SLC16A7: variants seen among roughly 807,000 people sequenced by gnomAD.
The protein encoded by SLC16A7 is monocarboxylate transporter 2.
A neutral mutation model predicts 34.9 loss-of-function variants in SLC16A7; 33 were observed. That is an observed-to-expected ratio of 0.94 (90% CI 0.72 to 1.26). The LOEUF (loss-of-function observed/expected upper bound fraction) is 1.26, where lower values mean the gene tolerates loss of function less well. Ranked by LOEUF, SLC16A7 falls within the 50% of genes most tolerant of loss-of-function variation. The pLI, the probability that SLC16A7 is intolerant of heterozygous loss-of-function variation, is 0.00. For synonymous variants in SLC16A7, 201 were observed against 206.6 expected (o/e 0.97, Z 0.23); for missense variants, 573 against 578.1 (o/e 0.99, Z 0.09).
At chr12:59,669,100 A>G (rs902416964) in intron 2 of SLC16A7, among the ~76,000 whole-genome samples, 39 of 152,148 alleles carry the variant, frequency 2.6e-4, no homozygotes, top group Admixed American at 1.9e-3. Context: ...TAATACAGAG[A>G]GTATTACCAG....
At chr12:59,730,726 G>T (rs1338404080) in intron 3 of SLC16A7, among the ~76,000 whole-genome samples, 3 of 152,048 alleles carry the variant, frequency 2.0e-5, no homozygotes, top group African/African-American at 7.2e-5. Context: ...AATGGCATTT[G>T]TATGCTCAAA....
chr12:59,662,716 AGAT>A (rs1392457382), intron 2 of SLC16A7, among the ~76,000 whole-genome samples: 1 of 152,174 alleles, frequency 6.6e-6, no homozygotes, highest in East Asian at 1.9e-4. Context: ...TTATAAAAAA[AGAT>A]GAGTCAAATT....
At position 59,779,859 on chromosome 12, in the gene SLC16A7, G is replaced by T. The variant is rs1019950899; in HGVS notation, c.*180G>T. On this transcript the variant is annotated 3_prime_UTR_variant, in exon 6 of 6. Transcript: ENST00000547379. ...AGTTTTTAAAAACTTACTTATTTGG[G>T]TAGTTAAATTTTGAGATTATGCATA... is the stretch of plus-strand genomic sequence containing the variant. 3 of 534,448 alleles carry T rather than the reference G, an allele frequency of 5.6e-6. No individual in the cohort carries two copies. Among genetic ancestry groups the T allele is most frequent in the African/African-American group, 3.8e-5 (2 of 52,100 alleles). 33.1% of individuals were successfully genotyped at this position (534,448 alleles called of 1,614,324 possible). A position where few individuals can be genotyped will look rare whatever the true frequency, so the allele number is the denominator to read the frequency against.
chr12:59,760,347 A>G (rs1880872321), intron 3 of SLC16A7, among the ~76,000 whole-genome samples: 1 of 152,092 alleles, frequency 6.6e-6, no homozygotes, highest in Admixed American at 6.6e-5. Context: ...CTTGGAAGTG[A>G]CCTATAAAAG....
intron 3 of SLC16A7, chr12:59,761,205 A>T (rs1026754698): frequency 8.3e-7 from 1 of 1,205,002 alleles, no homozygotes; most frequent in East Asian, 5.7e-5. Flanking sequence ...ATGCCTAGGT[A>T]CATGAAACTG....
At chr12:59,775,817 C>A (rs961275072) in intron 5 of SLC16A7, among the ~76,000 whole-genome samples, 1 of 152,088 alleles carries the variant, frequency 6.6e-6, no homozygotes, top group Non-Finnish European at 1.5e-5. Flanking sequence ...GTGAACAGAT[C>A]TCTCGTCTGT....
intron 4 of SLC16A7, among the ~76,000 whole-genome samples, chr12:59,774,129 TTTG>T (rs1203862762): frequency 6.6e-6 from 1 of 152,184 alleles, no homozygotes; most frequent in Non-Finnish European, 1.5e-5. Flanking sequence ...GCATGAAATT[TTTG>T]TTATTTGCAT....
intron 3 of SLC16A7, chr12:59,768,197 A>C (rs771154491): frequency 8.8e-6 from 4 of 455,816 alleles, no homozygotes; most frequent in South Asian, 4.7e-5. Flanking sequence ...AGGATTTGCT[A>C]TTCTAGATAA....
At chr12:59,763,553 A>C (rs1459597653) in intron 3 of SLC16A7, among the ~76,000 whole-genome samples, 1 of 152,188 alleles carries the variant, frequency 6.6e-6, no homozygotes, top group Non-Finnish European at 1.5e-5. Flanking sequence ...AAACTTAAAA[A>C]ATGAAAATAA....
At chr12:59,686,262 C>G in intron 2 of SLC16A7, among the ~76,000 whole-genome samples, 1 of 151,800 alleles carries the variant, frequency 6.6e-6, no homozygotes, top group South Asian at 2.1e-4. Flanking sequence ...CATGCTAAGA[C>G]AGCCGATAAG....
At chr12:59,674,318 C>G (rs2137059350) in intron 2 of SLC16A7, among the ~76,000 whole-genome samples, 1 of 152,216 alleles carries the variant, frequency 6.6e-6, no homozygotes, top group African/African-American at 2.4e-5. Context: ...CTTGTTTCAT[C>G]TTTGTACCCC....
At position 59,789,248 on chromosome 12, in the gene SLC16A7, C is replaced by T. The variant is rs755868176; in HGVS notation, c.*9569C>T. The T allele has an allele frequency of 3.9e-5, 6 of 151,974 alleles. No homozygotes were observed. Among genetic ancestry groups the T allele is most frequent in the East Asian group, 1.9e-4 (1 of 5,176 alleles). 9.4% of individuals were successfully genotyped at this position (151,974 alleles called of 1,614,324 possible). ...ATTAAAATGCTACTACAGTATTCTA[C>T]GATGCAGGCTGAATGTATATTACAG... On this transcript the variant is annotated 3_prime_UTR_variant, in exon 6 of 6. Transcript: ENST00000547379.
intron 2 of SLC16A7, among the ~76,000 whole-genome samples, chr12:59,671,528 A>G (rs1006786866): frequency 1.3e-5 from 2 of 151,934 alleles, no homozygotes; most frequent in African/African-American, 4.8e-5. Flanking sequence ...GCAGTTTTTG[A>G]AGCATAAATG....
At position 59,786,874 on chromosome 12, in the gene SLC16A7, A is replaced by AAT. The variant is rs1226722981; in HGVS notation, c.*7203_*7204dup. ...AGAGTAAATAAAATATTTTCCTAGA[A>AAT]ATATATATAACAACCCTACTTGATA... is the stretch of plus-strand genomic sequence containing the variant. On this transcript the variant is annotated 3_prime_UTR_variant, in exon 6 of 6. Coordinates refer to ENST00000547379, the MANE Select transcript of SLC16A7 (RefSeq NM_001270623.2). 6.6e-6 allele frequency: 1 copy of AAT among 152,134 alleles called. No homozygotes were observed. Among genetic ancestry groups the AAT allele is most frequent in the Non-Finnish European group, 1.5e-5 (1 of 68,006 alleles). The allele number at this position is 152,134 out of a possible 1,614,324, so 9.4% of individuals were successfully genotyped here.
intron 3 of SLC16A7, chr12:59,720,080 T>G: frequency 1.4e-6 from 1 of 700,264 alleles, no homozygotes; most frequent in Non-Finnish European, 2.6e-6. Context: ...ATTCTTCAGG[T>G]TGGTATCATA....
At chr12:59,690,676 G>T (rs144344796) in intron 2 of SLC16A7, among the ~76,000 whole-genome samples, 1 of 152,050 alleles carries the variant, frequency 6.6e-6, no homozygotes, top group East Asian at 1.9e-4. Flanking sequence ...TGCAGAGAGG[G>T]AGACACCACT....
intron 2 of SLC16A7, among the ~76,000 whole-genome samples, chr12:59,704,315 T>A (rs1191656890): frequency 6.7e-6 from 1 of 149,820 alleles, no homozygotes. Context: ...AAAAAGCCAA[T>A]AGATCATGTC....
chr12:59,740,716 T>A (rs1437918972), intron 3 of SLC16A7, among the ~76,000 whole-genome samples: 3 of 152,076 alleles, frequency 2.0e-5, no homozygotes, highest in Non-Finnish European at 4.4e-5. Flanking sequence ...GCCAGGGCAA[T>A]CAGGCAGGAG....
At chr12:59,615,563 G>C (rs1879412478) in intron 1 of SLC16A7, among the ~76,000 whole-genome samples, 1 of 152,198 alleles carries the variant, frequency 6.6e-6, no homozygotes, top group African/African-American at 2.4e-5. Flanking sequence ...CAAACACTCA[G>C]ATGCTAAGTG....
Sources: gnomAD v4.1 joint callset for allele counts (sites outside exome capture counted in the v4.1 genomes callset) on GRCh38, gnomAD v4.1.1 for gene constraint, MANE v1.5 for transcripts, NCBI Gene and HGNC (gene_info 2026-07-23, HGNC 2026-07-21) for gene names.